Variants in CELF2 observed in about 807,000 individuals in gnomAD.
The protein encoded by CELF2 is CUGBP Elav-like family member 2.
Under a neutral mutation model 62.6 loss-of-function variants are expected in CELF2, and 8 were observed. The observed-to-expected ratio is 0.13, with a 90% confidence interval of 0.07 to 0.23. The LOEUF (loss-of-function observed/expected upper bound fraction) is 0.23. Ranked by LOEUF, CELF2 falls within the 10% of genes least tolerant of loss-of-function variation. The pLI is 1.00. For synonymous variants in CELF2, 258 were observed against 250.0 expected (o/e 1.03, Z -0.30); for missense variants, 333 against 671.0 (o/e 0.50, Z 5.56).
chr10:11,199,587 G>C (rs1360104426), intron 2 of CELF2, among the ~76,000 whole-genome samples: 1 of 152,192 alleles, frequency 6.6e-6, no homozygotes, highest in African/African-American at 2.4e-5. Context: ...CTTGAAAAAT[G>C]TGGTAAATTC....
At chr10:11,264,958 T>C (rs538718975) in intron 5 of CELF2, among the ~76,000 whole-genome samples, 1 of 152,160 alleles carries the variant, frequency 6.6e-6, no homozygotes, top group East Asian at 1.9e-4. Flanking sequence ...GTACTGAGAG[T>C]TTTTGTGTGT....
the CELF2 span, among the ~76,000 whole-genome samples, chr10:10,598,751 CTTTTTT>C: frequency 8.6e-5 from 6 of 69,588 alleles, no homozygotes; most frequent in African/African-American, 1.4e-4. Flanking sequence ...CTTTTTCTTT[CTTTTTT>C]TTTTTTTTTT....
intron 1 of CELF2, among the ~76,000 whole-genome samples, chr10:11,066,265 T>C (rs545938386): frequency 6.6e-6 from 1 of 152,294 alleles, no homozygotes; most frequent in African/African-American, 2.4e-5. Context: ...TTTCATCTCT[T>C]TTCTGGAACC....
the CELF2 span, among the ~76,000 whole-genome samples, chr10:10,606,107 A>C: frequency 2.0e-5 from 3 of 152,184 alleles, no homozygotes; most frequent in African/African-American, 7.2e-5. Flanking sequence ...CATTAATCCA[A>C]GTAAATATGG....
chr10:11,103,404 C>T lies in CELF2; in HGVS notation c.75-62082C>T, dbSNP rs372811551. Among the ~76,000 whole-genome samples, 5 of 149,156 alleles carry T rather than the reference C, an allele frequency of 3.4e-5. No individual in the cohort carries two copies. In the East Asian group the frequency reaches 9.8e-4, roughly 29 times the overall value. ...TTATTTTCACTTACATTTTTATTAA[C>T]ATTTTACAAGAGGCTGCATGGCCTA... On this transcript the variant is annotated intron_variant, in intron 1 of 12. Coordinates refer to ENST00000633077, the MANE Select transcript of CELF2 (RefSeq NM_001326342.2).
chr10:10,534,208 A>G, the CELF2 span, among the ~76,000 whole-genome samples: 7 of 115,688 alleles, frequency 6.1e-5, no homozygotes, highest in African/African-American at 2.2e-4. Context: ...AGAGGTGAGG[A>G]GTTGTTAAAA....
At chr10:11,175,553 G>A (rs777563622) in intron 2 of CELF2, among the ~76,000 whole-genome samples, 1 of 152,168 alleles carries the variant, frequency 6.6e-6, no homozygotes, top group Non-Finnish European at 1.5e-5. Flanking sequence ...TTACAGAGAC[G>A]AGGTGGTGAA....
the CELF2 span, among the ~76,000 whole-genome samples, chr10:10,475,727 C>A: frequency 5.3e-5 from 8 of 152,186 alleles, no homozygotes; most frequent in African/African-American, 1.9e-4. Flanking sequence ...TACTTGTTAA[C>A]ACTTTGCTCA....
At chr10:11,001,604 T>C (rs2054522793), upstream of CELF2, among the ~76,000 whole-genome samples, 1 of 152,234 alleles carries the variant, frequency 6.6e-6, no homozygotes, top group Non-Finnish European at 1.5e-5. Context: ...GCCAAGAAGC[T>C]GGCTGATTCT....
the CELF2 span, among the ~76,000 whole-genome samples, chr10:10,639,862 G>C: frequency 2.4e-4 from 37 of 152,166 alleles, no homozygotes; most frequent in African/African-American, 8.7e-4. Flanking sequence ...TGAAGGAGGA[G>C]ATGAAATTCA....
chr10:10,636,660 A>G, the CELF2 span, among the ~76,000 whole-genome samples: 4 of 152,326 alleles, frequency 2.6e-5, no homozygotes, highest in Admixed American at 6.5e-5. Flanking sequence ...ATGGATGCCC[A>G]ATAGTCAGTT....
chr10:10,490,271 G>C, the CELF2 span, among the ~76,000 whole-genome samples: 1 of 152,170 alleles, frequency 6.6e-6, no homozygotes, highest in Non-Finnish European at 1.5e-5. Context: ...AAAAACTACA[G>C]TTGGAAATTT....
the CELF2 span, among the ~76,000 whole-genome samples, chr10:10,741,425 T>C: frequency 7.0e-6 from 1 of 143,504 alleles, no homozygotes; most frequent in Non-Finnish European, 1.5e-5. Context: ...GAAGGAGAAT[T>C]GCTTGAACTC....
chr10:10,848,517 G>GTTTATGAATGGAATTTAATTT (rs2059158023), intron 1 of CELF2, among the ~76,000 whole-genome samples: 1 of 152,206 alleles, frequency 6.6e-6, no homozygotes, highest in African/African-American at 2.4e-5. Context: ...ATGGAATTAA[G>GTTTATGAATGGAATTTAATTT]ACAGAAATCT....
At chr10:10,796,482 G>T (rs1289282933), upstream of CELF2, among the ~76,000 whole-genome samples, 1 of 152,146 alleles carries the variant, frequency 6.6e-6, no homozygotes, top group Non-Finnish European at 1.5e-5. Flanking sequence ...AAATGGGTTT[G>T]TCCTTTTGTC....
intron 10 of CELF2, among the ~76,000 whole-genome samples, chr10:11,320,281 G>A (rs2095357200): frequency 2.0e-5 from 3 of 152,146 alleles, no homozygotes; most frequent in Admixed American, 2.0e-4. Context: ...GGGAGAAATC[G>A]AGTCTACTGG....
chr10:10,672,379 T>G, the CELF2 span, among the ~76,000 whole-genome samples: 2 of 152,184 alleles, frequency 1.3e-5, no homozygotes, highest in African/African-American at 4.8e-5. Context: ...GTCATCTAGA[T>G]TTTCTTCTAT....
intron 6 of CELF2, 87 bp downstream of exon 6, chr10:11,266,764 A>G: frequency 9.9e-7 from 1 of 1,010,532 alleles, no homozygotes. Context: ...GATTGTTCAC[A>G]TGACAATCAC....
chr10:10,884,609 C>G (rs560090183), intron 1 of CELF2, among the ~76,000 whole-genome samples: 1 of 152,284 alleles, frequency 6.6e-6, no homozygotes, highest in African/African-American at 2.4e-5. Flanking sequence ...CTTTTGCCTA[C>G]CCATACATTC....
Sources: gnomAD v4.1 joint callset for allele counts (sites outside exome capture counted in the v4.1 genomes callset) on GRCh38, gnomAD v4.1.1 for gene constraint, MANE v1.5 for transcripts, NCBI Gene and HGNC (gene_info 2026-07-23, HGNC 2026-07-21) for gene names.